TACC2: variants seen among roughly 807,000 people sequenced by gnomAD.
The protein encoded by TACC2 is transforming acidic coiled-coil containing protein 2.
TACC2 carries 137 observed loss-of-function variants against 227.3 expected under a neutral mutation model. The observed-to-expected ratio is 0.60, with a 90% confidence interval of 0.52 to 0.69. The LOEUF (loss-of-function observed/expected upper bound fraction) is 0.69. TACC2 is among the 30% of genes least tolerant of loss of function. The pLI, the probability that TACC2 is intolerant of heterozygous loss-of-function variation, is 0.00. For synonymous variants in TACC2, 1,523 were observed against 1,487.5 expected, an observed-to-expected ratio of 1.02 and a Z score of -0.55; for missense variants, 3,470 against 3,694.4, an observed-to-expected ratio of 0.94 and a Z score of 1.57.
Position 122,210,254 on chromosome 10 carries a change from G to A in TACC2, c.5972-143G>A. On this transcript the variant is annotated intron_variant, in intron 8 of 22. Coordinates refer to ENST00000369005, the MANE Select transcript of TACC2 (RefSeq NM_206862.4). The surrounding 1 kb of genome is among the most constrained non-coding windows in gnomAD (Gnocchi z 4.6). ...CGGGTAGGTCAGGTTCTGTACCCAA[G>A]TAGTACACACAGTGATGGGCGGGGT... 1 of 690,202 alleles carries A rather than the reference G, an allele frequency of 1.4e-6. No individual in the cohort carries two copies. Among genetic ancestry groups the A allele is most frequent in the Non-Finnish European group, 2.6e-6 (1 of 385,744 alleles). The allele number at this position is 690,202 out of a possible 1,614,324, so 42.8% of individuals were successfully genotyped here.
intron 2 of TACC2, among the ~76,000 whole-genome samples, chr10:122,043,522 T>TTTTCTTTCTTTTC (rs2074583841): frequency 3.5e-5 from 5 of 144,108 alleles, no homozygotes; most frequent in Admixed American, 2.1e-4. Flanking sequence ...TTTTTCTTTC[T>TTTTCTTTCTTTTC]TTTCTTTCTT....
rs377103453 is a variant in TACC2, at chr10:122,211,513, C to T, written c.7088C>T (p.Pro2363Leu). ...AAAATGCAGGAGTCTCCCAAACTGC[C>T]CCAACAATCATACAACTTTGACCCA... The part of the protein sequence containing the change: ...TSKMQESPKL[P>L]QQSYNFDPDT... Residue 2363 changes from proline to leucine, a missense_variant, in exon 9 of 23, where the codon CCC becomes CTC. Coordinates refer to ENST00000369005, the MANE Select transcript of TACC2 (RefSeq NM_206862.4). 1.6e-4 allele frequency: 257 copies of T among 1,613,682 alleles called. 5 individuals carry two copies. In the South Asian group the frequency reaches 2.7e-3, roughly 17 times the overall value.
intron 12 of TACC2, among the ~76,000 whole-genome samples, chr10:122,225,146 T>C (rs1265074618): frequency 6.6e-6 from 1 of 152,204 alleles, no homozygotes; most frequent in Non-Finnish European, 1.5e-5. Context: ...ATTAACTGAA[T>C]ATTTTCTCTG....
At chr10:122,044,672 G>T (rs1367845912) in intron 2 of TACC2, among the ~76,000 whole-genome samples, 2 of 142,656 alleles carry the variant, frequency 1.4e-5, no homozygotes, top group Non-Finnish European at 3.1e-5. Context: ...GCGTTTAAGA[G>T]GTAAGTGGAA....
intron 5 of TACC2, among the ~76,000 whole-genome samples, chr10:122,092,062 TG>T (rs2080882711): frequency 6.6e-6 from 1 of 152,246 alleles, no homozygotes; most frequent in South Asian, 2.1e-4. Flanking sequence ...GATTCCCTGT[TG>T]TTTTGTGATG....
chr10:122,138,376 G>A (rs552673310), intron 6 of TACC2, among the ~76,000 whole-genome samples: 2 of 152,254 alleles, frequency 1.3e-5, no homozygotes, highest in South Asian at 4.1e-4. Context: ...TGGGCGTGGT[G>A]GCAGGCATCT....
chr10:122,000,134 G>A (rs1216254172), intron 1 of TACC2, among the ~76,000 whole-genome samples: 3 of 152,228 alleles, frequency 2.0e-5, no homozygotes, highest in African/African-American at 7.2e-5. Context: ...GCTCACGCCT[G>A]TAATCCCAGC....
At chr10:122,089,011 A>C (rs12256679) in intron 5 of TACC2, among the ~76,000 whole-genome samples, 89 of 152,132 alleles carry the variant, frequency 5.9e-4, no homozygotes, top group Non-Finnish European at 1.1e-3. Context: ...GTTACTTGGA[A>C]GTCTGAGTTG....
chr10:122,211,086 G>A lies in TACC2; in HGVS notation c.6661G>A (p.Gly2221Ser). 1 of 1,612,708 alleles carries A rather than the reference G, an allele frequency of 6.2e-7. No individual in the cohort carries two copies. Among genetic ancestry groups the A allele is most frequent in the Non-Finnish European group, 8.5e-7 (1 of 1,179,484 alleles). The change falls in exon 9 of 23, where the codon GGC becomes AGC. Residue 2221 changes from glycine to serine, a missense_variant. Physicochemically the swap from Gly to Ser is moderately conservative, Grantham distance 56 (BLOSUM62 0). Around this residue, in one of 10 missense-constraint regions of TACC2, gnomAD observed 593 missense variants for 636.6 expected, o/e 0.93. Coordinates refer to ENST00000369005, the MANE Select transcript of TACC2 (RefSeq NM_206862.4). ...GGTTGTCCCCCCGGCTTCTGGAGGT[G>A]GCAGAGTGCAGAACTCACCCCCTGT... ...EGVVPPASGG[G>S]RVQNSPPVGR...
intron 2 of TACC2, among the ~76,000 whole-genome samples, chr10:122,027,242 A>G (rs1424351031): frequency 2.6e-5 from 4 of 152,202 alleles, no homozygotes; most frequent in African/African-American, 7.2e-5. Flanking sequence ...CTTATTTGCC[A>G]TCTGTATATC....
At chr10:122,224,364 T>A (rs905541093) in intron 11 of TACC2, among the ~76,000 whole-genome samples, 1 of 152,112 alleles carries the variant, frequency 6.6e-6, no homozygotes, top group Non-Finnish European at 1.5e-5. Flanking sequence ...ACCTGACAGT[T>A]ACAGAGGAAA....
chr10:122,141,766 C>T lies in TACC2; in HGVS notation c.5700-1806C>T, dbSNP rs2090595470. Among the ~76,000 whole-genome samples, 1 of 152,096 alleles carries T rather than the reference C, an allele frequency of 6.6e-6. No homozygotes were observed. The highest frequency in any genetic ancestry group is 2.4e-5 in the African/African-American group (1 of 41,402). ...TACCCTTAAATCACAGAACCACAAA[C>T]AATACCACCTTTCCACAATTTGCAT... On this transcript the variant is annotated intron_variant, in intron 6 of 22. Coordinates refer to ENST00000369005, the MANE Select transcript of TACC2 (RefSeq NM_206862.4). This position sits in a 1 kb window ranked among gnomAD's most constrained non-coding sequence, Gnocchi z 4.3.
At position 122,087,789 on chromosome 10, in the gene TACC2, C is replaced by T. The variant is rs561741785; in HGVS notation, c.5289C>T (p.Ala1763=). The T allele has an allele frequency of 3.8e-6, 6 of 1,595,074 alleles. No homozygotes were observed. In the South Asian group the frequency reaches 6.9e-5, roughly 18 times the overall value. The part of the protein sequence containing the change: ...DKAPGMEGTA[A]LHGDSPARPQ... ...CTCCGGGGATGGAGGGTACAGCTGC[C>T]CTTCATGGGGACAGCCCAGCCAGGC... Residue 1763 remains alanine (A), a synonymous_variant, in exon 4 of 23, where the codon GCC becomes GCT. Transcript: ENST00000369005.
intron 7 of TACC2, among the ~76,000 whole-genome samples, chr10:122,155,833 A>ATTTTTTTT (rs66559186): frequency 1.7e-5 from 2 of 118,302 alleles, no homozygotes; most frequent in African/African-American, 3.3e-5. Context: ...TAGTGGGAAA[A>ATTTTTTTT]TTTTTTTTTT....
At chr10:122,234,273 G>T (rs1162041717) in intron 16 of TACC2, among the ~76,000 whole-genome samples, 1 of 152,258 alleles carries the variant, frequency 6.6e-6, no homozygotes, top group Non-Finnish European at 1.5e-5. Context: ...CAGCCTGCAG[G>T]TCTGAAGTGG....
intron 9 of TACC2, among the ~76,000 whole-genome samples, chr10:122,214,193 C>A (rs767040675): frequency 1.3e-5 from 2 of 152,120 alleles, no homozygotes; most frequent in Non-Finnish European, 2.9e-5. Context: ...CCATCAGACT[C>A]TCTTCTGCCC....
rs372926797 is a variant in TACC2, at chr10:122,021,961, C to T, written c.-21C>T. The T allele has an allele frequency of 4.8e-5, 78 of 1,613,850 alleles. No individual in the cohort carries two copies. Among genetic ancestry groups the T allele is most frequent in the South Asian group, 4.5e-4 (41 of 91,068 alleles). ...GTCACCTCTGACAAAATTCTGGGGA[C>T]GCTGGGAACACTGAATCAACATGGG... On this transcript the variant is annotated 5_prime_UTR_variant, in exon 2 of 23. It adds an upstream start codon to the 5' untranslated region. Transcript: ENST00000369005.
chr10:122,058,208 T>C (rs534835487), intron 3 of TACC2, among the ~76,000 whole-genome samples: 55 of 152,352 alleles, frequency 3.6e-4, no homozygotes, highest in African/African-American at 2.4e-5. Flanking sequence ...TTACTATGCA[T>C]GCACGCCCCT....
chr10:122,034,219 T>G (rs1046395562), intron 2 of TACC2, among the ~76,000 whole-genome samples: 6 of 151,440 alleles, frequency 4.0e-5, no homozygotes, highest in Admixed American at 4.0e-4. Context: ...GTGGTGCACT[T>G]GATGCATTTG....
Sources: allele counts gnomAD v4.1 joint callset (sites outside exome capture counted in the v4.1 genomes callset), GRCh38; gene constraint gnomAD v4.1.1; regional missense constraint gnomAD v4.1.1; non-coding constraint Gnocchi (gnomAD v3.1); transcripts MANE v1.5; gene names NCBI Gene and HGNC (gene_info 2026-07-23, HGNC 2026-07-21).